CSMD1: variants seen among roughly 807,000 people sequenced by gnomAD.
CSMD1 encodes the protein CUB and sushi domain-containing protein 1.
CSMD1 carries 213 observed loss-of-function variants against 417.5 expected under a neutral mutation model. That is an observed-to-expected ratio of 0.51 (90% CI 0.46 to 0.57). CSMD1 has a LOEUF of 0.57. Among genes scored for constraint, CSMD1 ranks in the 20% least tolerant of loss-of-function variants. CSMD1 has a pLI of 0.00. For synonymous variants in CSMD1, 2,862 were observed against 1,736.8 expected (o/e 1.65, Z -16.11); for missense variants, 6,923 against 4,529.7 (o/e 1.53, Z -15.17).
chr8:4,201,465 G>A (rs778328932), intron 3 of CSMD1, among the ~76,000 whole-genome samples: 2 of 138,240 alleles, frequency 1.4e-5, no homozygotes, highest in Non-Finnish European at 3.0e-5. Flanking sequence ...ATGAACACGG[G>A]AGGCGGAGCT....
intron 2 of CSMD1, among the ~76,000 whole-genome samples, chr8:4,461,226 A>G (rs1316861601): frequency 6.6e-6 from 1 of 152,014 alleles, no homozygotes; most frequent in Non-Finnish European, 1.5e-5. Flanking sequence ...GCAATGGGGA[A>G]TTTCTTCAAC....
intron 8 of CSMD1, among the ~76,000 whole-genome samples, chr8:3,597,659 A>G (rs1584940276): frequency 6.6e-6 from 1 of 152,204 alleles, no homozygotes; most frequent in East Asian, 1.9e-4. Flanking sequence ...TGCAGCCATA[A>G]AAAATGATGA....
At chr8:3,534,754 T>C (rs777737983) in intron 10 of CSMD1, among the ~76,000 whole-genome samples, 3 of 152,214 alleles carry the variant, frequency 2.0e-5, no homozygotes, top group South Asian at 2.1e-4. Context: ...GTTGAGCATA[T>C]GGCATCTTAA....
intron 7 of CSMD1, among the ~76,000 whole-genome samples, chr8:3,631,470 C>T (rs1796780676): frequency 6.6e-6 from 1 of 152,174 alleles, no homozygotes; most frequent in African/African-American, 2.4e-5. Context: ...GATAAAACAA[C>T]ACAGAGGCTG....
chr8:3,305,650 T>C (rs1296289115), intron 25 of CSMD1, among the ~76,000 whole-genome samples: 2 of 152,184 alleles, frequency 1.3e-5, no homozygotes, highest in Admixed American at 1.3e-4. Flanking sequence ...TCCAGAACTG[T>C]TAAGAAACTA....
chr8:4,189,686 A>C (rs1005621353), intron 3 of CSMD1, among the ~76,000 whole-genome samples: 2 of 152,162 alleles, frequency 1.3e-5, no homozygotes, highest in African/African-American at 4.8e-5. Flanking sequence ...TTTGAACGGA[A>C]AGAGTGTTGA....
intron 3 of CSMD1, among the ~76,000 whole-genome samples, chr8:4,328,302 C>G (rs1043651098): frequency 1.1e-3 from 158 of 145,244 alleles, no homozygotes; most frequent in African/African-American, 3.5e-3. Flanking sequence ...ATTACCACTT[C>G]CCCACGACTC....
At chr8:4,437,735 C>T (rs930594197) in intron 2 of CSMD1, among the ~76,000 whole-genome samples, 1 of 152,086 alleles carries the variant, frequency 6.6e-6, no homozygotes, top group Non-Finnish European at 1.5e-5. Flanking sequence ...GCTTAGGCTG[C>T]CAATGAGTTC....
intron 26 of CSMD1, among the ~76,000 whole-genome samples, chr8:3,234,839 C>G (rs572986418): frequency 6.6e-6 from 1 of 152,210 alleles, no homozygotes; most frequent in Non-Finnish European, 1.5e-5. Context: ...CCTTCCTGAA[C>G]CAGCATTTTA....
At chr8:3,334,421 C>G (rs1050066149) in intron 23 of CSMD1, among the ~76,000 whole-genome samples, 1 of 152,152 alleles carries the variant, frequency 6.6e-6, no homozygotes, top group African/African-American at 2.4e-5. Flanking sequence ...CAAAGCCACT[C>G]TCTCATTTAT....
intron 6 of CSMD1, among the ~76,000 whole-genome samples, chr8:3,738,266 A>T (rs758943688): frequency 6.6e-6 from 1 of 152,212 alleles, no homozygotes. Context: ...GAAAATAGCG[A>T]CGATCACAGT....
At chr8:4,420,795 G>A (rs1047843158) in intron 2 of CSMD1, among the ~76,000 whole-genome samples, 1 of 152,142 alleles carries the variant, frequency 6.6e-6, no homozygotes, top group African/African-American at 2.4e-5. Flanking sequence ...CCCAACATAA[G>A]AATGCTGAGA....
intron 3 of CSMD1, among the ~76,000 whole-genome samples, chr8:4,233,242 G>T (rs755088674): frequency 1.3e-5 from 2 of 152,142 alleles, no homozygotes; most frequent in East Asian, 1.9e-4. Flanking sequence ...TAACACTGTT[G>T]TGACAGGGAA....
chr8:3,960,111 G>A (rs1359012164), intron 5 of CSMD1, among the ~76,000 whole-genome samples: 2 of 152,198 alleles, frequency 1.3e-5, no homozygotes, highest in Admixed American at 6.5e-5. Flanking sequence ...GGAAACACAG[G>A]TTGTTCAAAA....
intron 10 of CSMD1, among the ~76,000 whole-genome samples, chr8:3,546,678 T>A (rs1240774906): frequency 1.3e-5 from 2 of 152,194 alleles, no homozygotes; most frequent in African/African-American, 4.8e-5. Flanking sequence ...GTAAAGATTG[T>A]ATAAACAGCT....
chr8:3,628,473 A>C (rs1386798477), intron 7 of CSMD1, among the ~76,000 whole-genome samples: 1 of 152,224 alleles, frequency 6.6e-6, no homozygotes, highest in African/African-American at 2.4e-5. Context: ...AAAAATCCTT[A>C]AGGATTACTT....
At chr8:4,580,994 C>A (rs540309514) in intron 2 of CSMD1, among the ~76,000 whole-genome samples, 1 of 152,144 alleles carries the variant, frequency 6.6e-6, no homozygotes, top group Non-Finnish European at 1.5e-5. Context: ...TATTCCAGTG[C>A]CTCACATGTA....
At chr8:3,588,044 T>C (rs1800680778) in intron 8 of CSMD1, among the ~76,000 whole-genome samples, 1 of 151,922 alleles carries the variant, frequency 6.6e-6, no homozygotes, top group Admixed American at 6.5e-5. Flanking sequence ...TCGTTTTTGA[T>C]CATTGGTCTG....
At chr8:4,076,865 A>AT (rs1001954604) in intron 3 of CSMD1, among the ~76,000 whole-genome samples, 3 of 151,926 alleles carry the variant, frequency 2.0e-5, no homozygotes, top group African/African-American at 4.8e-5. Context: ...CTCTTTTCTC[A>AT]TTTTTTCCAT....
Sources: gnomAD v4.1 joint callset for allele counts (sites outside exome capture counted in the v4.1 genomes callset) on GRCh38, gnomAD v4.1.1 for gene constraint, MANE v1.5 for transcripts, NCBI Gene and HGNC (gene_info 2026-07-23, HGNC 2026-07-21) for gene names.